Variants in TFCP2 observed in about 807,000 individuals in gnomAD.
TFCP2 encodes the protein transcription factor CP2, also known as alpha-globin transcription factor CP2.
TFCP2 carries 33 observed loss-of-function variants against 73.4 expected under a neutral mutation model. That is an observed-to-expected ratio of 0.45 (90% CI 0.34 to 0.60). The LOEUF is 0.60. Ranked by LOEUF, TFCP2 falls within the 20% of genes least tolerant of loss-of-function variation. The pLI is 0.01. For missense variants in TFCP2, 352 were observed against 604.0 expected (o/e 0.58, Z 4.37); for synonymous variants, 193 against 211.6 (o/e 0.91, Z 0.76).
intron 3 of TFCP2, among the ~76,000 whole-genome samples, chr12:51,116,809 G>T (rs1940538805): frequency 6.6e-6 from 1 of 152,106 alleles, no homozygotes; most frequent in Admixed American, 6.5e-5. Context: ...TAGAGACAGG[G>T]TTTCTCCATG....
intron 1 of TFCP2, among the ~76,000 whole-genome samples, chr12:51,164,571 T>TGGGTGACACAGCAAGACTCC (rs1941714766): frequency 7.2e-6 from 1 of 139,326 alleles, no homozygotes; most frequent in Non-Finnish European, 1.5e-5. Context: ...CACTCCAGCC[T>TGGGTGACACAGCAAGACTCC]GGGTGACACA....
intron 1 of TFCP2, among the ~76,000 whole-genome samples, chr12:51,128,498 A>AAAAAAAAAAAAAAAC (rs1555253519): frequency 6.7e-6 from 1 of 149,036 alleles, no homozygotes; most frequent in Non-Finnish European, 1.5e-5. Context: ...AAAAACAAAA[A>AAAAAAAAAAAAAAAC]AAACAAACTA....
intron 1 of TFCP2, among the ~76,000 whole-genome samples, chr12:51,128,073 C>T (rs1940851651): frequency 6.6e-6 from 1 of 151,992 alleles, no homozygotes; most frequent in South Asian, 2.1e-4. Context: ...GTGTGCACCA[C>T]CATGCCCAGC....
chr12:51,159,287 T>C (rs1420728821), intron 1 of TFCP2, among the ~76,000 whole-genome samples: 1 of 152,000 alleles, frequency 6.6e-6, no homozygotes, highest in Non-Finnish European at 1.5e-5. Flanking sequence ...AACCATTGCC[T>C]CTTTGCAACT....
chr12:51,163,267 G>A (rs1463026189), intron 1 of TFCP2, among the ~76,000 whole-genome samples: 1 of 152,036 alleles, frequency 6.6e-6, no homozygotes, highest in African/African-American at 2.4e-5. Context: ...CCCAGCCTGG[G>A]CAACAGAGCA....
chr12:51,106,653 A>G, intron 7 of TFCP2, 40 bp from the exon 8 acceptor site: 1 of 1,529,858 alleles, frequency 6.5e-7, no homozygotes, highest in Non-Finnish European at 9.0e-7. Context: ...ACGAGCACAT[A>G]TGACCCCAGG....
chr12:51,138,466 GT>G (rs1163573236), intron 1 of TFCP2, among the ~76,000 whole-genome samples: 1 of 151,368 alleles, frequency 6.6e-6, no homozygotes, highest in Admixed American at 6.6e-5. Flanking sequence ...CTAGTTTTCT[GT>G]GTTTTAAGGC....
intron 1 of TFCP2, among the ~76,000 whole-genome samples, chr12:51,141,250 G>A (rs1190977958): frequency 2.6e-5 from 4 of 150,994 alleles, no homozygotes; most frequent in Non-Finnish European, 5.9e-5. Flanking sequence ...AAAAGATTCT[G>A]CAATATAGCT....
intron 1 of TFCP2, among the ~76,000 whole-genome samples, chr12:51,141,225 A>C (rs558185185): frequency 2.2e-4 from 33 of 150,432 alleles, no homozygotes; most frequent in Non-Finnish European, 4.7e-4. Context: ...AGCAGGGGGA[A>C]GTGGGGGAAG....
chr12:51,138,303 A>G (rs1941109520), intron 1 of TFCP2, among the ~76,000 whole-genome samples: 1 of 151,706 alleles, frequency 6.6e-6, no homozygotes, highest in African/African-American at 2.4e-5. Context: ...CTATAATCCC[A>G]TGTAAACCAT....
At chr12:51,123,106 T>C (rs1291344873) in intron 1 of TFCP2, among the ~76,000 whole-genome samples, 2 of 152,196 alleles carry the variant, frequency 1.3e-5, no homozygotes, top group Non-Finnish European at 2.9e-5. Flanking sequence ...CATGTGGCAT[T>C]ACACCTAACC....
intron 1 of TFCP2, among the ~76,000 whole-genome samples, chr12:51,168,372 C>T (rs1028779608): frequency 6.6e-6 from 1 of 151,888 alleles, no homozygotes; most frequent in Admixed American, 6.5e-5. Flanking sequence ...AGCCACTACA[C>T]TCCAGCCTTG....
intron 1 of TFCP2, among the ~76,000 whole-genome samples, chr12:51,165,815 G>C (rs781554608): frequency 6.6e-6 from 1 of 152,104 alleles, no homozygotes; most frequent in Non-Finnish European, 1.5e-5. Context: ...CAGCAAACTA[G>C]GAATAGAAGG....
At chr12:51,166,291 A>C (rs918890032) in intron 1 of TFCP2, among the ~76,000 whole-genome samples, 16 of 151,930 alleles carry the variant, frequency 1.1e-4, no homozygotes, top group African/African-American at 3.6e-4. Context: ...CAGCCTGGGC[A>C]ACAAGATCGA....
chr12:51,155,735 T>C (rs942214241), intron 1 of TFCP2, among the ~76,000 whole-genome samples: 6 of 152,184 alleles, frequency 3.9e-5, no homozygotes, highest in African/African-American at 1.4e-4. Flanking sequence ...TTTACATCAA[T>C]GTTTCTAAGA....
At chr12:51,117,880 C>G in intron 2 of TFCP2, 133 bp from the exon 3 acceptor site, 1 of 607,050 alleles carries the variant, frequency 1.6e-6, no homozygotes, top group South Asian at 2.3e-5. Context: ...CAATCAGAAG[C>G]CTTTACAAGA....
rs1420670194 is a variant in TFCP2, at chr12:51,135,125, AC to A, written c.123-16354del. Among the ~76,000 whole-genome samples the A allele has an allele frequency of 1.0e-4, 14 of 137,092 alleles. No homozygotes were observed. In the South Asian group the frequency reaches 1.6e-3, roughly 16 times the overall value. The allele number at this position is 137,092 out of a possible 152,430, so 89.9% of individuals were successfully genotyped here. A position where few individuals can be genotyped will look rare whatever the true frequency, so the allele number is the denominator to read the frequency against. ...ACTGTCTCAAAAAGAAAAAAAAAAA[AC>A]AAAAAACCTACAATTCAGGGCCAGG... On this transcript the variant is annotated intron_variant, in intron 1 of 14. Coordinates refer to ENST00000257915, the MANE Select transcript of TFCP2 (RefSeq NM_005653.5).
rs1476375432 is a variant in TFCP2 at position 51,132,922 on chromosome 12, G to A, written c.123-14150C>T. ...AGGCCTCAGAATGACTGCAGCCTCA[G>A]CCTGCTGATACCACATGAAGAAGAA... On this transcript the variant is annotated intron_variant, in intron 1 of 14. Transcript: ENST00000257915. Among the ~76,000 whole-genome samples, 7 of 152,136 alleles carry A rather than the reference G, an allele frequency of 4.6e-5. No individual in the cohort carries two copies. In the East Asian group the frequency reaches 1.2e-3, roughly 25 times the overall value.
Position 51,101,949 on chromosome 12 carries a change from A to C in TFCP2, c.1137T>G (p.Asn379Lys). ...CGPADGIRLF[N>K]ALKGRMVRPR... ...TAATTACATACCGGCCTTTTAATGC[A>C]TTAAAAAGTCTGATTCCATCTGCAG... is the stretch of plus-strand genomic sequence containing the variant. Residue 379 changes from asparagine (N) to lysine (K), a missense_variant, in exon 11 of 15, where the codon AAT becomes AAG. Physicochemically the swap from Asn to Lys is moderately conservative, Grantham distance 94. Transcript: ENST00000257915. The C allele has an allele frequency of 6.2e-7, 1 of 1,611,294 alleles. No homozygotes were observed. The highest frequency in any genetic ancestry group is 8.5e-7 in the Non-Finnish European group (1 of 1,177,600).
Sources: gnomAD v4.1 joint callset for allele counts (sites outside exome capture counted in the v4.1 genomes callset) on GRCh38, gnomAD v4.1.1 for gene constraint, MANE v1.5 for transcripts, NCBI Gene and HGNC (gene_info 2026-07-23, HGNC 2026-07-21) for gene names.